SYBU: variants seen among roughly 807,000 people sequenced by gnomAD.
SYBU encodes the protein GOLSYN A protein.
Under a neutral mutation model 35.9 loss-of-function variants are expected in SYBU, and 21 were observed. The ratio of observed to expected loss-of-function variants is 0.58; its 90% confidence interval spans 0.41 to 0.84. The LOEUF is 0.84. Among genes scored for constraint, SYBU ranks in the 40% least tolerant of loss-of-function variants. The pLI is 0.00. For synonymous variants in SYBU, 319 were observed against 324.3 expected, an observed-to-expected ratio of 0.98 and a Z score of 0.18; for missense variants, 768 against 848.2, an observed-to-expected ratio of 0.91 and a Z score of 1.17.
chr8:109,677,248 G>C (rs1563777605), intron 1 of SYBU, among the ~76,000 whole-genome samples: 1 of 152,032 alleles, frequency 6.6e-6, no homozygotes, highest in African/African-American at 2.4e-5. Flanking sequence ...TTAACCCCTG[G>C]TACCTTTTCA....
rs3108839 is a variant in SYBU at position 109,680,460 on chromosome 8, A to G, written c.-129+251T>C. 1.4e-4 allele frequency among the ~76,000 whole-genome samples: 18 copies of G among 127,512 alleles called. No individual in the cohort carries two copies. In the East Asian group the frequency reaches 1.7e-3, roughly 12 times the overall value. The allele number at this position is 127,512 out of a possible 152,430, so 83.7% of individuals were successfully genotyped here. ...ACAATTTTATAATACATGATTTACA[A>G]TTTCTTTGCAGGAAATTGTACAGTC... On this transcript the variant is annotated intron_variant, in intron 1 of 5. Coordinates refer to the SYBU transcript ENST00000408889.
intron 1 of SYBU, among the ~76,000 whole-genome samples, chr8:109,660,049 G>C (rs1212327187): frequency 6.6e-6 from 1 of 152,016 alleles, no homozygotes; most frequent in Non-Finnish European, 1.5e-5. Flanking sequence ...CTAATTTTGA[G>C]CCATCTTCTG....
intron 1 of SYBU, chr8:109,643,780 A>G: frequency 3.1e-6 from 1 of 321,922 alleles, no homozygotes; most frequent in East Asian, 8.7e-5. Flanking sequence ...AGAGCACACC[A>G]ATGAATGTCC....
intron 3 of SYBU, chr8:109,608,138 C>T (rs1050409430): frequency 5.7e-6 from 3 of 529,156 alleles, no homozygotes; most frequent in Non-Finnish European, 1.0e-5. Flanking sequence ...GAAAGCCAGC[C>T]TATCAGGGAA....
upstream of SYBU, chr8:109,645,113 C>G (rs1244545748): frequency 2.2e-6 from 1 of 461,356 alleles, no homozygotes; most frequent in Non-Finnish European, 4.3e-6. Flanking sequence ...TGCACTTGAT[C>G]TCAGGTTTGA....
chr8:109,575,202 C>T lies in SYBU; in HGVS notation c.1696G>A (p.Ala566Thr), dbSNP rs1182213996. Residue 566 changes from alanine (A) to threonine (T), a missense_variant, in exon 7 of 7, where the codon GCA (alanine) becomes ACA (threonine). Transcript: ENST00000276646. ...ATGAGGCGGTTTGCATGAACTTCTGCATCCACATTGGCGTAGGGGGTCTCC... is the reference window on the plus strand; with the variant it reads ...ATGAGGCGGTTTGCATGAACTTCTGTATCCACATTGGCGTAGGGGGTCTCC... ...PVETPYANVD[A>T]EVHANRLMRE... is the part of the protein sequence containing the mutation. The T allele has an allele frequency of 6.2e-7, 1 of 1,614,114 alleles. No homozygotes were observed. The highest frequency in any genetic ancestry group is 1.3e-5 in the African/African-American group (1 of 74,940).
chr8:109,647,727 G>A (rs934180153), upstream of SYBU: 1 of 152,234 alleles, frequency 6.6e-6, no homozygotes, highest in African/African-American at 2.4e-5. Flanking sequence ...CAATGTATTT[G>A]TATCTGATGA....
intron 4 of SYBU, among the ~76,000 whole-genome samples, chr8:109,582,671 C>T (rs773141540): frequency 1.3e-5 from 2 of 152,170 alleles, no homozygotes; most frequent in Non-Finnish European, 2.9e-5. Flanking sequence ...TCATCATCAT[C>T]ACCATCATCA....
chr8:109,673,781 C>T (rs1321060923), intron 1 of SYBU, among the ~76,000 whole-genome samples: 1 of 152,040 alleles, frequency 6.6e-6, no homozygotes, highest in Admixed American at 6.5e-5. Flanking sequence ...AGCTAAGAAC[C>T]TTGAAAAAAC....
chr8:109,639,585 G>A (rs185646433), intron 2 of SYBU, among the ~76,000 whole-genome samples: 147 of 152,324 alleles, frequency 9.7e-4, no homozygotes, highest in African/African-American at 2.8e-3. Flanking sequence ...AGCTAATACA[G>A]GAGGATTACT....
chr8:109,680,988 C>A (rs576579015), exon 1 of SYBU: 3 of 152,342 alleles, frequency 2.0e-5, no homozygotes, highest in African/African-American at 7.2e-5. Context: ...AAGCTTCCAG[C>A]TTAAATATCC....
chr8:109,674,228 A>C (rs772839847), intron 1 of SYBU, among the ~76,000 whole-genome samples: 9 of 150,070 alleles, frequency 6.0e-5, no homozygotes, highest in Non-Finnish European at 1.0e-4. Context: ...ACACATAATC[A>C]TCAGATTCAC....
chr8:109,640,243 G>A (rs1221436542), intron 2 of SYBU, among the ~76,000 whole-genome samples: 1 of 152,118 alleles, frequency 6.6e-6, no homozygotes, highest in East Asian at 1.9e-4. Context: ...AGGTCTCCTA[G>A]GAAGGAGGAT....
chr8:109,622,949 C>T (rs1027154211), intron 2 of SYBU, among the ~76,000 whole-genome samples: 1 of 152,068 alleles, frequency 6.6e-6, no homozygotes, highest in Non-Finnish European at 1.5e-5. Flanking sequence ...AAGCTTTGCG[C>T]CAAGGTTTTA....
At chr8:109,604,841 T>C (rs1333615517) in intron 3 of SYBU, among the ~76,000 whole-genome samples, 1 of 152,198 alleles carries the variant, frequency 6.6e-6, no homozygotes, top group Non-Finnish European at 1.5e-5. Context: ...GATACAGGCA[T>C]AGCCTTCATC....
intron 3 of SYBU, among the ~76,000 whole-genome samples, chr8:109,586,733 A>G (rs1247212543): frequency 6.6e-6 from 1 of 152,192 alleles, no homozygotes; most frequent in Non-Finnish European, 1.5e-5. Flanking sequence ...GTTTTTCTTT[A>G]AAGAATAGAT....
At chr8:109,613,498 C>T (rs973964008) in intron 3 of SYBU, among the ~76,000 whole-genome samples, 11 of 152,180 alleles carry the variant, frequency 7.2e-5, no homozygotes, top group African/African-American at 2.4e-4. Context: ...ACCTAGTATG[C>T]TGGACTCTAG....
intron 3 of SYBU, among the ~76,000 whole-genome samples, chr8:109,589,445 T>G (rs1823976831): frequency 6.6e-6 from 1 of 152,214 alleles, no homozygotes; most frequent in Non-Finnish European, 1.5e-5. Flanking sequence ...TGGAGTGTTA[T>G]CCCAGGACTG....
chr8:109,687,244 A>G (rs1817540714), intron 1 of SYBU, among the ~76,000 whole-genome samples: 1 of 152,214 alleles, frequency 6.6e-6, no homozygotes, highest in African/African-American at 2.4e-5. Context: ...AAGAGAACAC[A>G]TAACTTTCTA....
Sources: gnomAD v4.1 joint callset for allele counts (sites outside exome capture counted in the v4.1 genomes callset) on GRCh38, gnomAD v4.1.1 for gene constraint, MANE v1.5 for transcripts, NCBI Gene and HGNC (gene_info 2026-07-23, HGNC 2026-07-21) for gene names.